The following SNTA1 variants were observed in gnomAD, a reference collection of about 807,000 sequenced individuals.
SNTA1 encodes syntrophin alpha 1.
SNTA1 carries 31 observed loss-of-function variants against 47.1 expected under a neutral mutation model. The ratio of observed to expected loss-of-function variants is 0.66; its 90% CI spans 0.49 to 0.89. The LOEUF is 0.89. Among genes scored for constraint, SNTA1 ranks in the 40% least tolerant of loss-of-function variants. The pLI, the probability that SNTA1 is intolerant of heterozygous loss-of-function variation, is 0.00. For missense variants in SNTA1, 575 were observed against 693.0 expected (o/e 0.83, Z 1.91); for synonymous variants, 300 against 313.6 (o/e 0.96, Z 0.46).
At chr20:33,409,550 T>A (rs1471832851) in intron 6 of SNTA1, among the ~76,000 whole-genome samples, 1 of 151,686 alleles carries the variant, frequency 6.6e-6, no homozygotes, top group Non-Finnish European at 1.5e-5. Flanking sequence ...AACCTCCATC[T>A]CCCGGGTTCA....
In SNTA1 at chr20:33,438,976, A is replaced by G. The variant is rs770998582; in HGVS notation, c.361T>C (p.Leu121=). The G allele has an allele frequency of 5.0e-5, 80 of 1,614,026 alleles. No individual in the cohort carries two copies. Among genetic ancestry groups the G allele is most frequent in the Non-Finnish European group, 6.8e-5 (80 of 1,180,020 alleles). Reference sequence around the variant, plus strand: ...AGGGCCTCTGTCTGGTCAGCTGCCAATCCCTTGAAGATCTTGGAAATGAGA... The same window carrying G: ...AGGGCCTCTGTCTGGTCAGCTGCCAGTCCCTTGAAGATCTTGGAAATGAGA... ...PILISKIFKG[L]AADQTEALFV... is the part of the protein sequence containing the mutation. The change falls in exon 2 of 8, where the codon TTG becomes CTG. Residue 121 remains leucine, a synonymous_variant. Transcript: ENST00000217381.
chr20:33,443,596 G>C lies in SNTA1; in HGVS notation c.25C>G (p.Arg9Gly). 8.0e-7 allele frequency: 1 copy of C among 1,248,746 alleles called. No individual in the cohort carries two copies. Among genetic ancestry groups the C allele is most frequent in the Non-Finnish European group, 1.0e-6 (1 of 995,642 alleles). The allele number at this position is 1,248,746 out of a possible 1,614,324, so 77.4% of individuals were successfully genotyped here. A position where few individuals can be genotyped will look rare whatever the true frequency, so the allele number is the denominator to read the frequency against. MASGRRAPRTGLLELRAGA... is the reference protein window; with the variant it reads MASGRRAPGTGLLELRAGA... ...GCGCGCAGCTCCAGCAGCCCGGTGC[G>C]CGGGGCGCGCCTGCCGGACGCCATC... The change falls in exon 1 of 8, where the codon CGC becomes GGC. Residue 9 changes from arginine (R) to glycine (G), a missense_variant. Arg to Gly is a moderately radical substitution (Grantham distance 125). Transcript: ENST00000217381.
rs1989774960 is a variant in SNTA1 at position 33,412,709 on chromosome 20, A to C, written c.775T>G (p.Ser259Ala). The C allele has an allele frequency of 1.9e-6, 3 of 1,613,308 alleles. No individual in the cohort carries two copies. The highest frequency in any genetic ancestry group is 2.5e-6 in the Non-Finnish European group (3 of 1,179,984). Reference sequence around the variant, plus strand: ...TGGGCTTGGATGGCAGTCGCCCACGACCTCGCACTAGCCTCATCCTTGGCC... The same window carrying C: ...TGGGCTTGGATGGCAGTCGCCCACGCCCTCGCACTAGCCTCATCCTTGGCC... ...LRAKDEASAR[S>A]WATAIQAQVN... The change falls in exon 4 of 8, where the codon TCG (serine) becomes GCG (alanine). Residue 259 changes from serine (S) to alanine (A), a missense_variant. By Grantham distance (99) the Ser-to-Ala change is moderately conservative. Coordinates refer to ENST00000217381, the MANE Select transcript of SNTA1 (RefSeq NM_003098.3).
intron 2 of SNTA1, among the ~76,000 whole-genome samples, chr20:33,437,939 T>C (rs1362071413): frequency 1.3e-5 from 2 of 152,232 alleles, no homozygotes; most frequent in Non-Finnish European, 1.5e-5. Flanking sequence ...GAGAAAGCCA[T>C]TCAACCAAGG....
intron 2 of SNTA1, among the ~76,000 whole-genome samples, chr20:33,427,081 G>C (rs1167185398): frequency 7.0e-6 from 1 of 141,866 alleles, no homozygotes; most frequent in East Asian, 2.0e-4. Context: ...AAAAAAAAAA[G>C]CCAATTTAAA....
chr20:33,433,873 G>A (rs1207259921), intron 2 of SNTA1, among the ~76,000 whole-genome samples: 12 of 152,140 alleles, frequency 7.9e-5, no homozygotes, highest in Non-Finnish European at 2.9e-5. Context: ...TGTTCTAGGA[G>A]GCAGGTTGGG....
At position 33,413,186 on chromosome 20, in the gene SNTA1, G is replaced by A. The variant is rs1241568846; in HGVS notation, c.702-404C>T. ...ATTTTTGTATTTTTAATAGAGATGG[G>A]GTTTCACCATGTTGGCCAGGATGGT... On this transcript the variant is annotated intron_variant, in intron 3 of 7. Transcript: ENST00000217381. Among the ~76,000 whole-genome samples, 3 of 152,192 alleles carry A rather than the reference G, an allele frequency of 2.0e-5. No homozygotes were observed. The East Asian group carries it at 5.8e-4, about 29-fold the overall frequency.
At position 33,418,792 on chromosome 20, in the gene SNTA1, CAAAAAAA is replaced by C. The variant is rs760390793; in HGVS notation, c.497-876_497-870del. Among the ~76,000 whole-genome samples, 11 of 57,434 alleles carry C rather than the reference CAAAAAAA, an allele frequency of 1.9e-4. 1 individual carries two copies. The highest frequency in any genetic ancestry group is 2.9e-4 in the African/African-American group (3 of 10,364). The allele number at this position is 57,434 out of a possible 152,430, so 37.7% of individuals were successfully genotyped here. ...TGGGTGACATAACAAGACTCTGTCTCAAAAAAAAAAAAAAAAAAAAAAAAAAAAAAGA... is the reference window on the plus strand; with the variant it reads ...TGGGTGACATAACAAGACTCTGTCTCAAAAAAAAAAAAAAAAAAAAAAAGA... On this transcript the variant is annotated intron_variant, in intron 2 of 7. Transcript: ENST00000217381.
At chr20:33,443,207 G>T in intron 1 of SNTA1, 104 bp downstream of exon 1, 1 of 889,064 alleles carries the variant, frequency 1.1e-6, no homozygotes, top group Non-Finnish European at 1.6e-6. Flanking sequence ...CTTACCCCCA[G>T]ACAGGAAGCC....
Position 33,443,617 on chromosome 20 carries a change from C to T in SNTA1, c.4G>A (p.Ala2Thr), listed in dbSNP as rs2146815452. The change falls in exon 1 of 8, where the codon GCG becomes ACG. Residue 2 changes from alanine to threonine, a missense_variant. Transcript: ENST00000217381. M[A>T]SGRRAPRTGL... ...GTGCGCGGGGCGCGCCTGCCGGACG[C>T]CATCTTCGCCTCCGAGCCCCCGGGC... The T allele has an allele frequency of 1.8e-5, 22 of 1,221,152 alleles. No homozygotes were observed. The highest frequency in any genetic ancestry group is 2.2e-5 in the Non-Finnish European group (22 of 979,854). 75.6% of individuals were successfully genotyped at this position (1,221,152 alleles called of 1,614,324 possible).
intron 3 of SNTA1, among the ~76,000 whole-genome samples, chr20:33,417,229 G>C (rs572019012): frequency 2.0e-5 from 3 of 152,320 alleles, no homozygotes; most frequent in Non-Finnish European, 4.4e-5. Context: ...ACAGTGCTGG[G>C]TACACAGTAA....
intron 2 of SNTA1, among the ~76,000 whole-genome samples, chr20:33,418,401 C>T (rs563100638): frequency 9.2e-5 from 14 of 151,984 alleles, no homozygotes; most frequent in South Asian, 4.2e-4. Context: ...TCTACAGGTA[C>T]GCACTACCAC....
At chr20:33,421,626 TAAAAATA>T (rs960931671) in intron 2 of SNTA1, among the ~76,000 whole-genome samples, 9 of 145,030 alleles carry the variant, frequency 6.2e-5, no homozygotes, top group African/African-American at 2.3e-4. Flanking sequence ...AAAATAATAA[TAAAAATA>T]AAAAATAATA....
chr20:33,436,661 C>T (rs1216414247), intron 2 of SNTA1, among the ~76,000 whole-genome samples: 3 of 151,904 alleles, frequency 2.0e-5, no homozygotes, highest in Non-Finnish European at 4.4e-5. Context: ...CATGGTGAAA[C>T]CCTGTCTCTA....
At chr20:33,437,264 GA>G (rs1186882225) in intron 2 of SNTA1, among the ~76,000 whole-genome samples, 73 of 138,724 alleles carry the variant, frequency 5.3e-4, no homozygotes, top group Non-Finnish European at 4.7e-4. Flanking sequence ...CTCCATCTCA[GA>G]AAAAAAAAAA....
chr20:33,417,861 A>G lies in SNTA1; in HGVS notation c.559T>C (p.Trp187Arg). 6.2e-7 allele frequency: 1 copy of G among 1,614,148 alleles called. No homozygotes were observed. Among genetic ancestry groups the G allele is most frequent in the African/African-American group, 1.3e-5 (1 of 75,060 alleles). Residue 187 changes from tryptophan (W) to arginine (R), a missense_variant, in exon 3 of 8, where the codon TGG becomes CGG. By Grantham distance (101) the Trp-to-Arg change is moderately radical. Coordinates refer to ENST00000217381, the MANE Select transcript of SNTA1 (RefSeq NM_003098.3). Reference sequence around the variant, plus strand: ...AGGGGTGAGGCAGGAGGTGAGTCCCAGCCGACCGAGGTCCCACCAGTAGAG... The same window carrying G: ...AGGGGTGAGGCAGGAGGTGAGTCCCGGCCGACCGAGGTCCCACCAGTAGAG... ...KNSTGGTSVG[W>R]DSPPASPLQR...
chr20:33,408,859 G>A lies in SNTA1; in HGVS notation c.1267C>T (p.Leu423=), dbSNP rs752852893. 6.2e-7 allele frequency: 1 copy of A among 1,614,170 alleles called. No homozygotes were observed. The highest frequency in any genetic ancestry group is 1.1e-5 in the South Asian group (1 of 91,082). ...ACTWNGRPCS[L]SVHIDKGFTL... ...AAGCCCTTGTCGATGTGCACAGACA[G>A]GCTGCAGGGACGCCCATTCCACGTG... The change falls in exon 7 of 8, where the codon CTG becomes TTG. Residue 423 remains leucine, a synonymous_variant. Transcript: ENST00000217381.
intron 2 of SNTA1, among the ~76,000 whole-genome samples, chr20:33,433,771 C>A (rs1284578829): frequency 3.3e-5 from 5 of 152,150 alleles, no homozygotes; most frequent in Non-Finnish European, 5.9e-5. Flanking sequence ...TGTTGGCTGC[C>A]AACTTGGGCC....
intron 2 of SNTA1, among the ~76,000 whole-genome samples, chr20:33,418,290 C>G (rs1308277400): frequency 7.1e-6 from 1 of 141,124 alleles, no homozygotes; most frequent in Non-Finnish European, 1.5e-5. Context: ...CAGTTTCTCT[C>G]TGTCACCCAG....
Sources: allele counts gnomAD v4.1 joint callset (sites outside exome capture counted in the v4.1 genomes callset), GRCh38; gene constraint gnomAD v4.1.1; transcripts MANE v1.5; gene names NCBI Gene and HGNC (gene_info 2026-07-23, HGNC 2026-07-21).